Variants in SRGAP2 observed in about 807,000 individuals in gnomAD.
SRGAP2 encodes the protein SLIT-ROBO Rho GTPase-activating protein 2.
A neutral mutation model predicts 57.2 loss-of-function variants in SRGAP2; 15 were observed. The observed-to-expected ratio is 0.26, with a 90% CI of 0.18 to 0.40. SRGAP2 has a LOEUF of 0.40. SRGAP2 is among the 10% of genes least tolerant of loss of function. The probability of loss-of-function intolerance (pLI) is 1.00; values close to 1 mark genes in which losing one functional copy is unlikely to be tolerated. For missense variants in SRGAP2, 520 were observed against 669.6 expected (o/e 0.78, Z 2.47); for synonymous variants, 249 against 248.0 (o/e 1.00, Z -0.04).
chr1:206,437,162 G>C, intron 15 of SRGAP2, 120 bp downstream of exon 15: 2 of 717,336 alleles, frequency 2.8e-6, no homozygotes, highest in Non-Finnish European at 2.6e-6. Flanking sequence ...TGTCTCTTCA[G>C]GGGGTACCTG....
chr1:206,436,556 GC>G (rs1661779103), intron 14 of SRGAP2, among the ~76,000 whole-genome samples: 1 of 151,664 alleles, frequency 6.6e-6, no homozygotes, highest in Non-Finnish European at 1.5e-5. Context: ...GTCTCATGTT[GC>G]CCAGGCTGGT....
chr1:206,447,288 G>A (rs1408335611), intron 18 of SRGAP2, among the ~76,000 whole-genome samples: 1 of 152,086 alleles, frequency 6.6e-6, no homozygotes, highest in Non-Finnish European at 1.5e-5. Flanking sequence ...GAACCAATTC[G>A]GCCAGCCCCA....
chr1:206,369,028 T>C (rs2103015775), intron 4 of SRGAP2, among the ~76,000 whole-genome samples: 1 of 152,304 alleles, frequency 6.6e-6, no homozygotes, highest in African/African-American at 2.4e-5. Flanking sequence ...ATCCTAGACC[T>C]AATATATCTC....
chr1:206,325,321 C>G (rs1359908061), intron 3 of SRGAP2, among the ~76,000 whole-genome samples: 1 of 151,894 alleles, frequency 6.6e-6, no homozygotes, highest in Admixed American at 6.6e-5. Context: ...GTGATGTACT[C>G]TGAGATTTTC....
At chr1:206,413,057 A>G (rs1249064038) in intron 10 of SRGAP2, among the ~76,000 whole-genome samples, 1 of 152,246 alleles carries the variant, frequency 6.6e-6, no homozygotes, top group African/African-American at 2.4e-5. Flanking sequence ...TGGTTCATCA[A>G]GTGATAGCCA....
chr1:206,321,048 C>CT (rs1673424423), intron 3 of SRGAP2, among the ~76,000 whole-genome samples: 1 of 143,680 alleles, frequency 7.0e-6, no homozygotes, highest in African/African-American at 2.8e-5. Flanking sequence ...TAAAAATGGC[C>CT]TTTTTTGGCA....
At position 206,461,233 on chromosome 1, in the gene SRGAP2, G is replaced by A. The variant is rs782121714; in HGVS notation, c.3029G>A (p.Arg1010His). The A allele has an allele frequency of 1.5e-5, 12 of 780,728 alleles. No individual in the cohort carries two copies. The highest frequency in any genetic ancestry group is 2.4e-5 in the East Asian group (1 of 41,248). The allele number at this position is 780,728 out of a possible 1,614,324, so 48.4% of individuals were successfully genotyped here. The change falls in exon 23 of 23, where the codon CGC becomes CAC. Residue 1010 changes from arginine (R) to histidine (H), a missense_variant. By Grantham distance (29) the Arg-to-His change is conservative (BLOSUM62 0). Around this residue, in one of 5 missense-constraint regions of SRGAP2, gnomAD observed 478 missense variants for 373.6 expected, o/e 1.28. Transcript: ENST00000573034. ...AAGGACCCCGAGCCCGCCTTCCAGCGCAGCGCCAGTACTGCTGGGGACATC... is the reference window on the plus strand; with the variant it reads ...AAGGACCCCGAGCCCGCCTTCCAGCACAGCGCCAGTACTGCTGGGGACATC... ...LLKDPEPAFQ[R>H]SASTAGDIAC...
intron 11 of SRGAP2, among the ~76,000 whole-genome samples, chr1:206,417,334 C>T (rs1048345085): frequency 3.3e-5 from 5 of 151,756 alleles, no homozygotes; most frequent in Non-Finnish European, 7.4e-5. Flanking sequence ...AATCTCCTGA[C>T]CTCAGGTGAT....
chr1:206,225,756 T>C (rs1355363667), intron 2 of SRGAP2, among the ~76,000 whole-genome samples: 1 of 152,230 alleles, frequency 6.6e-6, no homozygotes, highest in Non-Finnish European at 1.5e-5. Flanking sequence ...GCTTCGTGTT[T>C]GTTTGCAGGA....
chr1:206,437,580 C>T (rs1366728021), intron 15 of SRGAP2: 6 of 200,602 alleles, frequency 3.0e-5, no homozygotes, highest in African/African-American at 2.3e-5. Context: ...GGCCAGGAGA[C>T]GTGAGAGCCA....
intron 4 of SRGAP2, among the ~76,000 whole-genome samples, chr1:206,356,865 GC>G (rs1676476660): frequency 6.9e-6 from 1 of 145,306 alleles, no homozygotes; most frequent in African/African-American, 2.6e-5. Context: ...TTTAAGCCCA[GC>G]CCTTGGGGTT....
chr1:206,396,059 T>C (rs1442245975), intron 7 of SRGAP2, among the ~76,000 whole-genome samples: 1 of 146,476 alleles, frequency 6.8e-6, no homozygotes, highest in Admixed American at 6.8e-5. Flanking sequence ...CTCGGCTCAC[T>C]GCAAGCTCCG....
At chr1:206,272,922 A>T (rs1670209468) in intron 2 of SRGAP2, among the ~76,000 whole-genome samples, 1 of 150,486 alleles carries the variant, frequency 6.6e-6, no homozygotes, top group Non-Finnish European at 1.5e-5. Context: ...TGCTGATTTT[A>T]AAAAAACATT....
chr1:206,454,972 A>C lies in SRGAP2; in HGVS notation c.2455A>C (p.Ser819Arg), dbSNP rs1553377845. ...EEKVTARAGA[S>R]CPSGGHVADI... ...AAAGGTGACAGCCAGAGCGGGGGCC[A>C]GCTGTCCCAGTGGGGGTCATGTAGC... The change falls in exon 21 of 23, where the codon AGC becomes CGC. Residue 819 changes from serine to arginine, a missense_variant. Ser to Arg is a moderately radical substitution (Grantham distance 110). Coordinates refer to ENST00000573034, the MANE Select transcript of SRGAP2 (RefSeq NM_015326.5). This position sits in a 1 kb window ranked among gnomAD's most constrained non-coding sequence, Gnocchi z 4.3. The C allele has an allele frequency of 1.3e-6, 1 of 780,944 alleles. No homozygotes were observed. Among genetic ancestry groups the C allele is most frequent in the East Asian group, 2.4e-5 (1 of 41,252 alleles). 48.4% of individuals were successfully genotyped at this position (780,944 alleles called of 1,614,324 possible). A position where few individuals can be genotyped will look rare whatever the true frequency, so the allele number is the denominator to read the frequency against.
At chr1:206,382,680 G>GA (rs1213325868) in intron 4 of SRGAP2, among the ~76,000 whole-genome samples, 10 of 151,004 alleles carry the variant, frequency 6.6e-5, no homozygotes, top group South Asian at 2.1e-4. Flanking sequence ...TTTGTAATCA[G>GA]AAAAAAAAGT....
chr1:206,422,706 C>T (rs1246007492), intron 13 of SRGAP2, among the ~76,000 whole-genome samples: 1 of 152,170 alleles, frequency 6.6e-6, no homozygotes, highest in Non-Finnish European at 1.5e-5. Flanking sequence ...ATCAGTTTGG[C>T]AGGTGATATG....
chr1:206,434,202 A>T (rs1213798962), intron 14 of SRGAP2, among the ~76,000 whole-genome samples: 1 of 152,204 alleles, frequency 6.6e-6, no homozygotes, highest in Non-Finnish European at 1.5e-5. Context: ...TATATAGATG[A>T]GAAAGCTCAG....
At chr1:206,257,816 A>C (rs1220452973) in intron 2 of SRGAP2, among the ~76,000 whole-genome samples, 5 of 140,696 alleles carry the variant, frequency 3.6e-5, no homozygotes, top group African/African-American at 1.3e-4. Flanking sequence ...ATTTGAAAAA[A>C]TAAATAAATA....
At chr1:206,384,955 T>C (rs1355006999) in intron 5 of SRGAP2, among the ~76,000 whole-genome samples, 1 of 147,326 alleles carries the variant, frequency 6.8e-6, no homozygotes, top group Non-Finnish European at 1.5e-5. Flanking sequence ...TGATACTGAT[T>C]TCTGATGTTT....
Sources: allele counts gnomAD v4.1 joint callset (sites outside exome capture counted in the v4.1 genomes callset), GRCh38; gene constraint gnomAD v4.1.1; regional missense constraint gnomAD v4.1.1; non-coding constraint Gnocchi (gnomAD v3.1); transcripts MANE v1.5; gene names NCBI Gene and HGNC (gene_info 2026-07-23, HGNC 2026-07-21).